The following WARS2 variants were observed in gnomAD, a reference collection of about 807,000 sequenced individuals.
The protein encoded by WARS2 is tryptophanyl tRNA synthetase 2, mitochondrial.
In WARS2, 28 loss-of-function variants were observed where a neutral mutation model predicts 36.5. The ratio of observed to expected loss-of-function variants is 0.77; its 90% CI spans 0.57 to 1.05. The LOEUF is 1.05. Ranked by LOEUF, WARS2 falls within the 50% of genes least tolerant of loss-of-function variation. The pLI, the probability that WARS2 is intolerant of heterozygous loss-of-function variation, is 0.00. For synonymous variants in WARS2, 174 were observed against 178.4 expected (o/e 0.98, Z 0.20); for missense variants, 435 against 456.8 (o/e 0.95, Z 0.44).
chr1:119,113,937 A>T (rs1488180672), intron 1 of WARS2, among the ~76,000 whole-genome samples: 1 of 152,140 alleles, frequency 6.6e-6, no homozygotes, highest in Non-Finnish European at 1.5e-5. Flanking sequence ...AGGTAAAAAT[A>T]AGTAAACTTG....
intron 1 of WARS2, among the ~76,000 whole-genome samples, chr1:119,087,653 G>A (rs891187041): frequency 7.2e-5 from 11 of 152,204 alleles, no homozygotes; most frequent in Non-Finnish European, 1.3e-4. Flanking sequence ...TTTTGTATTA[G>A]AAAGGACTTA....
intron 4 of WARS2, among the ~76,000 whole-genome samples, chr1:119,037,293 T>TC (rs1366351519): frequency 6.6e-6 from 1 of 150,784 alleles, no homozygotes. Context: ...TTTGCTTAGT[T>TC]CCTTTTTGCA....
At chr1:119,130,029 G>C (rs1231972766) in intron 1 of WARS2, among the ~76,000 whole-genome samples, 1 of 152,106 alleles carries the variant, frequency 6.6e-6, no homozygotes, top group South Asian at 2.1e-4. Context: ...TAACGGTGCA[G>C]TGAGACCTAG....
chr1:119,090,850 G>T (rs1571344676), intron 1 of WARS2, among the ~76,000 whole-genome samples: 1 of 152,184 alleles, frequency 6.6e-6, no homozygotes, highest in Admixed American at 6.5e-5. Context: ...AGCAATGATT[G>T]TGCCACCATA....
chr1:119,106,479 T>C (rs1654250621), intron 1 of WARS2, among the ~76,000 whole-genome samples: 1 of 152,224 alleles, frequency 6.6e-6, no homozygotes, highest in African/African-American at 2.4e-5. Context: ...ATCTCTCCCT[T>C]TTCCAAAGCC....
chr1:119,063,481 A>G (rs377187138), intron 2 of WARS2: 63 of 152,294 alleles, frequency 4.1e-4, no homozygotes, highest in Middle Eastern at 3.4e-3. Context: ...AATCCTCAAG[A>G]CCATGGGGAA....
chr1:119,048,119 A>G (rs750128450), intron 2 of WARS2, among the ~76,000 whole-genome samples: 1 of 152,188 alleles, frequency 6.6e-6, no homozygotes, highest in South Asian at 2.1e-4. Context: ...GTTTCAGGGG[A>G]GTGATTGGGA....
intron 1 of WARS2, among the ~76,000 whole-genome samples, chr1:119,077,257 G>T (rs1397850309): frequency 2.6e-5 from 4 of 152,184 alleles, no homozygotes; most frequent in African/African-American, 9.6e-5. Context: ...TGACCAGTTT[G>T]GAATGATACA....
At position 119,045,585 on chromosome 1, in the gene WARS2, C is replaced by T; in HGVS notation, c.426G>A (p.Trp142Ter). The T allele has an allele frequency of 6.3e-7, 1 of 1,590,260 alleles. No homozygotes were observed. The highest frequency in any genetic ancestry group is 8.6e-7 in the Non-Finnish European group (1 of 1,164,138). Residue 142 changes from tryptophan to a stop codon, truncating the protein, a stop_gained, in exon 3 of 6, where the codon TGG becomes TGA. Coordinates refer to ENST00000235521, the MANE Select transcript of WARS2 (RefSeq NM_015836.4). LOFTEE classifies it high-confidence loss of function. ...RLPRLQHLHQ[W>*]KAKTTKQKHD... ...TAATCAGATTACTGGCATTTACCTT[C>T]CACTGATGTAAATGTTGTAATCGAG...
intron 1 of WARS2, 75 bp from the exon 2 acceptor site, chr1:119,076,682 T>C: frequency 6.4e-7 from 1 of 1,566,176 alleles, no homozygotes; most frequent in Non-Finnish European, 8.6e-7. Flanking sequence ...TTATCATAGC[T>C]ATGGGAGCTA....
rs369988288 is a variant in WARS2 at position 119,117,139 on chromosome 1, G to A, written c.90+23416C>T. Among the ~76,000 whole-genome samples, 6 of 152,256 alleles carry A rather than the reference G, an allele frequency of 3.9e-5. 1 individual carries two copies. The highest frequency in any genetic ancestry group is 1.4e-4 in the African/African-American group (6 of 41,538). ...TGCTGGCTGCATGGGAGTGGAGTGAGGCATGTCACTGCCAGCTTTCCCCCA... is the reference window on the plus strand; with the variant it reads ...TGCTGGCTGCATGGGAGTGGAGTGAAGCATGTCACTGCCAGCTTTCCCCCA... On this transcript the variant is annotated intron_variant, in intron 1 of 5. Transcript: ENST00000235521.
chr1:119,037,573 C>T (rs540344725), intron 4 of WARS2, among the ~76,000 whole-genome samples: 1 of 152,306 alleles, frequency 6.6e-6, no homozygotes, highest in Admixed American at 6.5e-5. Flanking sequence ...TCAGCAATTA[C>T]TTATTGAAGA....
At chr1:119,126,906 G>T (rs1655700023) in intron 1 of WARS2, 1 of 796,500 alleles carries the variant, frequency 1.3e-6, no homozygotes, top group Non-Finnish European at 2.2e-6. Flanking sequence ...GCATTTTTTA[G>T]TAAAACCAAC....
At chr1:119,123,623 C>T (rs911923591) in intron 1 of WARS2, among the ~76,000 whole-genome samples, 1 of 151,156 alleles carries the variant, frequency 6.6e-6, no homozygotes, top group African/African-American at 2.4e-5. Context: ...CACACACACA[C>T]GTTAATGTTA....
intron 1 of WARS2, among the ~76,000 whole-genome samples, chr1:119,104,525 T>C (rs1054044319): frequency 6.6e-6 from 1 of 151,392 alleles, no homozygotes; most frequent in African/African-American, 2.4e-5. Context: ...ATCTAATATG[T>C]GGCCCTGGTA....
chr1:119,065,776 GAAAACA>G (rs1650793540), intron 2 of WARS2, among the ~76,000 whole-genome samples: 2 of 152,008 alleles, frequency 1.3e-5, no homozygotes, highest in Non-Finnish European at 2.9e-5. Context: ...GCATTTCAAG[GAAAACA>G]ACCCACAGAT....
At chr1:119,104,722 T>C (rs377617710) in intron 1 of WARS2, among the ~76,000 whole-genome samples, 2 of 150,894 alleles carry the variant, frequency 1.3e-5, no homozygotes, top group South Asian at 4.2e-4. Context: ...CATTTGAACT[T>C]TTACCTAAAT....
intron 1 of WARS2, chr1:119,085,943 T>TAAAGGGTTCATCTCCAC: frequency 6.2e-7 from 1 of 1,610,284 alleles, no homozygotes; most frequent in Non-Finnish European, 8.5e-7. Flanking sequence ...TCACCTTAGT[T>TAAAGGGTTCATCTCCAC]AAAGGGTTCA....
intron 1 of WARS2, among the ~76,000 whole-genome samples, chr1:119,103,386 T>C (rs587626012): frequency 2.6e-5 from 4 of 152,218 alleles, no homozygotes; most frequent in East Asian, 3.9e-4. Flanking sequence ...ATCCCAACAT[T>C]TGGATTTGGG....
Sources: allele counts gnomAD v4.1 joint callset (sites outside exome capture counted in the v4.1 genomes callset), GRCh38; gene constraint gnomAD v4.1.1; transcripts MANE v1.5; gene names NCBI Gene and HGNC (gene_info 2026-07-23, HGNC 2026-07-21).